Variants in HID1 observed in about 807,000 individuals in gnomAD.
HID1 encodes the protein HID1 domain containing, also known as protein HID1.
HID1 carries 42 observed loss-of-function variants against 89.7 expected under a neutral mutation model. The ratio of observed to expected loss-of-function variants is 0.47; its 90% confidence interval spans 0.37 to 0.61. HID1 has a LOEUF of 0.61. HID1 is among the 20% of genes least tolerant of loss of function. The probability of loss-of-function intolerance (pLI) is 0.00; values close to 1 mark genes in which losing one functional copy is unlikely to be tolerated. For synonymous variants in HID1, 442 were observed against 433.8 expected (o/e 1.02, Z -0.24); for missense variants, 854 against 1,039.3 (o/e 0.82, Z 2.45).
At chr17:74,971,030 T>C (rs917659182) in intron 1 of HID1, among the ~76,000 whole-genome samples, 1 of 152,212 alleles carries the variant, frequency 6.6e-6, no homozygotes, top group Non-Finnish European at 1.5e-5. Flanking sequence ...TGGCCCATCA[T>C]AGGGCTGTAG....
chr17:74,959,200 G>T lies in HID1; in HGVS notation c.1009-149C>A. The T allele has an allele frequency of 1.1e-6, 1 of 950,446 alleles. No individual in the cohort carries two copies. The highest frequency in any genetic ancestry group is 1.5e-6 in the Non-Finnish European group (1 of 668,956). 58.9% of individuals were successfully genotyped at this position (950,446 alleles called of 1,614,324 possible). A position where few individuals can be genotyped will look rare whatever the true frequency, so the allele number is the denominator to read the frequency against. ...GAGGGCCCAGATGCTATCACCCATAGCTGTCCTGGGGCGATGCCTCAGGAA... is the reference window on the plus strand; with the variant it reads ...GAGGGCCCAGATGCTATCACCCATATCTGTCCTGGGGCGATGCCTCAGGAA... On this transcript the variant is annotated intron_variant, in intron 8 of 18. Transcript: ENST00000425042. The surrounding 1 kb of genome is among the most constrained non-coding windows in gnomAD (Gnocchi z 4.6).
At chr17:74,968,505 A>G (rs956824588) in intron 1 of HID1, among the ~76,000 whole-genome samples, 4 of 152,176 alleles carry the variant, frequency 2.6e-5, no homozygotes, top group Non-Finnish European at 1.5e-5. Context: ...GCAGGGTAAC[A>G]TGTGGCCATG....
intron 2 of HID1, chr17:74,964,250 A>G (rs555545084): frequency 4.8e-4 from 289 of 601,316 alleles, no homozygotes; most frequent in African/African-American, 4.7e-3. Flanking sequence ...AGGGAGCTAA[A>G]TGAACTGATC....
At position 74,959,888 on chromosome 17, in the gene HID1, C is replaced by A; in HGVS notation, c.1001G>T (p.Arg334Leu). Reference protein sequence around the residue: ...LFVNYLSRIHREEDFQFILKG... With the variant: ...LFVNYLSRIHLEEDFQFILKG... ...TGTGGGGACTGGACTTGCCTCCTCA[C>A]GATGGATGCGGGACAGGTAGTTCAC... The change falls in exon 8 of 19, where the codon CGT (arginine) becomes CTT (leucine). Residue 334 changes from arginine to leucine, a missense_variant. Coordinates refer to ENST00000425042, the MANE Select transcript of HID1 (RefSeq NM_030630.3). This position sits in a 1 kb window ranked among gnomAD's most constrained non-coding sequence, Gnocchi z 4.6. 1 of 1,613,712 alleles carries A rather than the reference C, an allele frequency of 6.2e-7. No homozygotes were observed. The highest frequency in any genetic ancestry group is 8.5e-7 in the Non-Finnish European group (1 of 1,180,012).
chr17:74,957,743 T>C (rs1316589812), intron 12 of HID1, among the ~76,000 whole-genome samples: 1 of 150,378 alleles, frequency 6.6e-6, no homozygotes, highest in Non-Finnish European at 1.5e-5. Flanking sequence ...CTACTAAAGA[T>C]ACAAAAATTA....
rs2039340992 is a variant in HID1, at chr17:74,953,606, G to T, written c.1910C>A (p.Thr637Asn). 2 of 1,613,988 alleles carry T rather than the reference G, an allele frequency of 1.2e-6. No homozygotes were observed. Among genetic ancestry groups the T allele is most frequent in the Non-Finnish European group, 1.7e-6 (2 of 1,179,998 alleles). ...GGGCTCAGGTTCCAGGGACCGCAAG[G>T]TGCCATCCTCTGACACCTGGGACTT... Reference protein sequence around the residue: ...TEKSQVSEDGTLRSLEPEPQQ... With the variant: ...TEKSQVSEDGNLRSLEPEPQQ... The change falls in exon 15 of 19, where the codon ACC becomes AAC. Residue 637 changes from threonine to asparagine, a missense_variant. By Grantham distance (65) the Thr-to-Asn change is moderately conservative (BLOSUM62 0). Coordinates refer to ENST00000425042, the MANE Select transcript of HID1 (RefSeq NM_030630.3).
In HID1 at chr17:74,959,783, G is replaced by A. The variant is rs1033449793; in HGVS notation, c.1008+98C>T. The A allele has an allele frequency of 1.5e-6, 2 of 1,311,574 alleles. No individual in the cohort carries two copies. The highest frequency in any genetic ancestry group is 2.3e-5 in the East Asian group (1 of 43,150). The allele number at this position is 1,311,574 out of a possible 1,614,324, so 81.2% of individuals were successfully genotyped here. A position where few individuals can be genotyped will look rare whatever the true frequency, so the allele number is the denominator to read the frequency against. ...ACCTAGGGTGGCCCCAGCCCACAGA[G>A]AGCATGGTTCCTTCATGGAGGGGTC... On this transcript the variant is annotated intron_variant, in intron 8 of 18. Transcript: ENST00000425042. The surrounding 1 kb of genome is among the most constrained non-coding windows in gnomAD (Gnocchi z 4.6).
chr17:74,958,734 G>A lies in HID1; in HGVS notation c.1179C>T (p.Ser393=), dbSNP rs768864691. The change falls in exon 10 of 19, where the codon AGC becomes AGT. Residue 393 remains serine, a synonymous_variant. Coordinates refer to ENST00000425042, the MANE Select transcript of HID1 (RefSeq NM_030630.3). The surrounding 1 kb of genome is among the most constrained non-coding windows in gnomAD (Gnocchi z 5.2). ...KKFLFFVLKS[S]DVLDILVPIL... ...TGGGGACAAGGATGTCTAGGACGTC[G>A]CTGCTCTTCAGCACGAAGAAGAGGA... The A allele has an allele frequency of 1.8e-5, 29 of 1,612,652 alleles. No homozygotes were observed. Among genetic ancestry groups the A allele is most frequent in the African/African-American group, 4.0e-5 (3 of 74,454 alleles).
Position 74,958,911 on chromosome 17 carries a change from C to A in HID1, c.1149G>T (p.Lys383Asn). The change falls in exon 9 of 19, where the codon AAG becomes AAT. Residue 383 changes from lysine (K) to asparagine (N), a missense_variant and splice_region_variant. Physicochemically the swap from Lys to Asn is moderately conservative, Grantham distance 94. Coordinates refer to ENST00000425042, the MANE Select transcript of HID1 (RefSeq NM_030630.3). This position sits in a 1 kb window ranked among gnomAD's most constrained non-coding sequence, Gnocchi z 5.2. ...GCAGGGCCCCTCGAGGCTGGCCCAC[C>A]TTGTTGAAGTCGCAGAGCTTCCAGA... ...VLFWKLCDFN[K>N]KFLFFVLKSS... The A allele has an allele frequency of 6.3e-7, 1 of 1,589,732 alleles. No homozygotes were observed. The highest frequency in any genetic ancestry group is 8.5e-7 in the Non-Finnish European group (1 of 1,170,330).
chr17:74,953,542 C>T lies in HID1; in HGVS notation c.1971+3G>A, dbSNP rs1389161758. ...CCCGGCTCCAGGAGTCCCCGTCACC[C>T]ACCCCCTTAGCCGGGCTGCCATCCT... On this transcript the variant is annotated splice_donor_region_variant and intron_variant, in intron 15 of 18. Coordinates refer to ENST00000425042, the MANE Select transcript of HID1 (RefSeq NM_030630.3). 6.2e-7 allele frequency: 1 copy of T among 1,613,216 alleles called. No homozygotes were observed.
chr17:74,955,611 C>T (rs2039377327), intron 13 of HID1, among the ~76,000 whole-genome samples, 181 bp downstream of exon 13: 1 of 152,230 alleles, frequency 6.6e-6, no homozygotes, highest in Non-Finnish European at 1.5e-5. Context: ...TTCCCCACTG[C>T]ATCCCCTGCA....
At chr17:74,961,620 T>C (rs7210122) in intron 6 of HID1, 151,734 of 273,848 alleles carry the variant, frequency 0.55, 44,456 homozygotes, top group East Asian at 0.93. Flanking sequence ...TGGTTTGCAT[T>C]CTATTTCTAC....
rs1161488575 is a variant in HID1 at position 74,972,703 on chromosome 17, G to GGCTCCGGCTTCA, written c.-59_-48dup. 2.0e-6 allele frequency: 3 copies of GGCTCCGGCTTCA among 1,482,524 alleles called. No individual in the cohort carries two copies. Among genetic ancestry groups the GGCTCCGGCTTCA allele is most frequent in the East Asian group, 5.7e-5 (2 of 35,026 alleles). 91.8% of individuals were successfully genotyped at this position (1,482,524 alleles called of 1,614,324 possible). A position where few individuals can be genotyped will look rare whatever the true frequency, so the allele number is the denominator to read the frequency against. On this transcript the variant is annotated 5_prime_UTR_variant, in exon 1 of 19. Transcript: ENST00000425042. The surrounding 1 kb of genome is among the most constrained non-coding windows in gnomAD (Gnocchi z 6.4). ...CCGGCCCCCGCCCAGACTCCAACCC[G>GGCTCCGGCTTCA]GCTCCGGCTTCAGCTCCGGCTCCAG... is the stretch of plus-strand genomic sequence containing the variant.
intron 1 of HID1, among the ~76,000 whole-genome samples, chr17:74,965,939 A>T (rs958591494): frequency 6.6e-6 from 1 of 151,074 alleles, no homozygotes; most frequent in African/African-American, 2.4e-5. Flanking sequence ...AGTACACAAG[A>T]TATAAAACTT....
chr17:74,971,620 T>C, intron 1 of HID1, among the ~76,000 whole-genome samples: 1 of 151,918 alleles, frequency 6.6e-6, no homozygotes, highest in Non-Finnish European at 1.5e-5. Flanking sequence ...AAGAGGAAGA[T>C]CCCAGATGGC....
intron 1 of HID1, among the ~76,000 whole-genome samples, chr17:74,970,208 C>T (rs1295566868): frequency 6.6e-6 from 1 of 152,102 alleles, no homozygotes; most frequent in Non-Finnish European, 1.5e-5. Context: ...TGAGCCACCA[C>T]ACCCGGCCCA....
Position 74,958,345 on chromosome 17 carries a change from G to C in HID1, c.1374C>G (p.His458Gln). ...CCCTCACCACAATGAGCAGGTCGGC[G>C]TGGGTCCCTGTGAAGACTGGGATGT... ...PMDIPVFTGT[H>Q]ADLLIVVFHK... The change falls in exon 11 of 19, where the codon CAC becomes CAG. Residue 458 changes from histidine to glutamine, a missense_variant. By Grantham distance (24) the His-to-Gln change is conservative (BLOSUM62 0). Transcript: ENST00000425042. This position sits in a 1 kb window ranked among gnomAD's most constrained non-coding sequence, Gnocchi z 5.2. The C allele has an allele frequency of 6.2e-7, 1 of 1,613,228 alleles. No homozygotes were observed. Among genetic ancestry groups the C allele is most frequent in the Non-Finnish European group, 8.5e-7 (1 of 1,179,700 alleles).
At chr17:74,966,190 C>G (rs1229860230) in intron 1 of HID1, among the ~76,000 whole-genome samples, 1 of 138,962 alleles carries the variant, frequency 7.2e-6, no homozygotes, top group East Asian at 2.2e-4. Flanking sequence ...GAGGCTGAGG[C>G]AGAGAATTGC....
chr17:74,953,045 G>A lies in HID1; in HGVS notation c.2013C>T (p.Thr671=). The A allele has an allele frequency of 1.2e-6, 2 of 1,609,492 alleles. No individual in the cohort carries two copies. Among genetic ancestry groups the A allele is most frequent in the South Asian group, 1.1e-5 (1 of 90,264 alleles). ...QAWREQRRPS[T]SSASGQWSPT... Reference sequence around the variant, plus strand: ...GGCTCCACTGCCCACTGGCTGATGAGGTGGACGGTCGCCGCTGCTCCCTCC... The same window carrying A: ...GGCTCCACTGCCCACTGGCTGATGAAGTGGACGGTCGCCGCTGCTCCCTCC... The change falls in exon 16 of 19, where the codon ACC becomes ACT. Residue 671 remains threonine, a synonymous_variant. Transcript: ENST00000425042.
Sources: gnomAD v4.1 joint callset for allele counts (sites outside exome capture counted in the v4.1 genomes callset) on GRCh38, gnomAD v4.1.1 for gene constraint, Gnocchi (gnomAD v3.1) non-coding constraint, MANE v1.5 for transcripts, NCBI Gene and HGNC (gene_info 2026-07-23, HGNC 2026-07-21) for gene names.